Variants in HPSE2 observed in about 807,000 individuals in gnomAD.
HPSE2 encodes the protein inactive heparanase-2.
HPSE2 carries 38 observed loss-of-function variants against 60.5 expected under a neutral mutation model. The observed-to-expected ratio is 0.63, with a 90% confidence interval of 0.48 to 0.82. The LOEUF is 0.82. HPSE2 is among the 40% of genes least tolerant of loss of function. HPSE2 has a pLI of 0.00. For synonymous variants in HPSE2, 295 were observed against 293.2 expected (o/e 1.01, Z -0.06); for missense variants, 713 against 740.4 (o/e 0.96, Z 0.43).
At chr10:98,947,881 A>G (rs1283701908) in intron 3 of HPSE2, among the ~76,000 whole-genome samples, 1 of 152,156 alleles carries the variant, frequency 6.6e-6, no homozygotes, top group Non-Finnish European at 1.5e-5. Context: ...GCACCTTTCC[A>G]GTAAGGGATG....
chr10:98,578,393 C>G (rs1347175567), intron 9 of HPSE2, among the ~76,000 whole-genome samples: 1 of 152,170 alleles, frequency 6.6e-6, no homozygotes, highest in Non-Finnish European at 1.5e-5. Flanking sequence ...ATGGGTTTGT[C>G]TCAGTCTAAA....
intron 3 of HPSE2, among the ~76,000 whole-genome samples, chr10:98,785,770 C>G (rs61883660): frequency 0.56 from 18,663 of 33,344 alleles, 5,216 homozygotes; most frequent in Non-Finnish European, 0.64. Context: ...GTTTGTATTT[C>G]TGTGGGATCG....
chr10:98,857,403 CCAATTGTGAGTTCGA>C (rs1952344010), intron 3 of HPSE2, among the ~76,000 whole-genome samples: 1 of 152,068 alleles, frequency 6.6e-6, no homozygotes, highest in Admixed American at 6.6e-5. Context: ...ATCCAGTCCT[CCAATTGTGAGTTCGA>C]ATAGAAACAG....
At chr10:98,600,922 T>TATATATATATATATATA (rs1945400291) in intron 9 of HPSE2, among the ~76,000 whole-genome samples, 1 of 44,872 alleles carries the variant, frequency 2.2e-5, no homozygotes, top group Non-Finnish European at 7.2e-5. Context: ...TATATATATA[T>TATATATATATATATATA]ATATATATAT....
intron 3 of HPSE2, among the ~76,000 whole-genome samples, chr10:98,863,641 TA>T (rs1422644211): frequency 1.3e-5 from 2 of 152,156 alleles, no homozygotes; most frequent in East Asian, 3.8e-4. Flanking sequence ...TACCTGCAAT[TA>T]GTAAGACAGA....
intron 4 of HPSE2, among the ~76,000 whole-genome samples, chr10:98,733,321 T>C (rs577634895): frequency 2.0e-5 from 3 of 152,172 alleles, no homozygotes; most frequent in African/African-American, 7.2e-5. Context: ...GGGGTTTCAT[T>C]ATGTTTCCAA....
intron 3 of HPSE2, among the ~76,000 whole-genome samples, chr10:98,788,609 T>C (rs930924589): frequency 6.6e-6 from 1 of 152,144 alleles, no homozygotes; most frequent in Non-Finnish European, 1.5e-5. Context: ...TCCGTGGGCG[T>C]AGGACCCTCT....
chr10:99,052,529 C>T (rs1239569921), intron 3 of HPSE2, among the ~76,000 whole-genome samples: 1 of 151,752 alleles, frequency 6.6e-6, no homozygotes, highest in East Asian at 1.9e-4. Flanking sequence ...GAAAACTTCC[C>T]AAATTTGATT....
chr10:99,044,527 G>C lies in HPSE2; in HGVS notation c.610+99711C>G, dbSNP rs916745003. ...TTCAAAAGTAACGCTGAATGTAAAT[G>C]AACTGAACACCCCACTTAAAAGGCA... On this transcript the variant is annotated intron_variant, in intron 3 of 11. Transcript: ENST00000370552. Among the ~76,000 whole-genome samples, 3 of 152,104 alleles carry C rather than the reference G, an allele frequency of 2.0e-5. No individual in the cohort carries two copies. The South Asian group carries it at 6.2e-4, about 32-fold the overall frequency.
chr10:98,658,416 T>C (rs1198713877), intron 6 of HPSE2, among the ~76,000 whole-genome samples: 3 of 152,238 alleles, frequency 2.0e-5, no homozygotes, highest in African/African-American at 7.2e-5. Flanking sequence ...TTCAACCATT[T>C]GCAAAGACAT....
chr10:99,023,351 T>C (rs980720949), intron 3 of HPSE2, among the ~76,000 whole-genome samples: 4 of 152,114 alleles, frequency 2.6e-5, no homozygotes. Context: ...CTAGGTAGAC[T>C]TCTAAGGTTT....
At chr10:98,897,615 C>A (rs1953531720) in intron 3 of HPSE2, among the ~76,000 whole-genome samples, 1 of 151,408 alleles carries the variant, frequency 6.6e-6, no homozygotes, top group Admixed American at 6.6e-5. Context: ...GGATATCTTT[C>A]AAAAAAATGG....
At chr10:98,762,932 G>GTC (rs1304785341) in intron 3 of HPSE2, among the ~76,000 whole-genome samples, 1 of 152,092 alleles carries the variant, frequency 6.6e-6, no homozygotes. Flanking sequence ...AAAGCAGCCA[G>GTC]TATAGCCATC....
intron 9 of HPSE2, among the ~76,000 whole-genome samples, chr10:98,583,532 C>T (rs990007049): frequency 6.6e-6 from 1 of 152,198 alleles, no homozygotes; most frequent in African/African-American, 2.4e-5. Context: ...AACTTGCCTG[C>T]TCCTGCAAAA....
intron 2 of HPSE2, among the ~76,000 whole-genome samples, chr10:99,182,765 A>G (rs924579734): frequency 2.0e-5 from 3 of 152,090 alleles, no homozygotes; most frequent in African/African-American, 7.2e-5. Context: ...TGGGAGGCTG[A>G]GGGGGCAGAT....
chr10:98,613,514 G>A (rs1945817396), intron 9 of HPSE2, among the ~76,000 whole-genome samples: 2 of 152,236 alleles, frequency 1.3e-5, no homozygotes, highest in Non-Finnish European at 2.9e-5. Flanking sequence ...AACTGGTGCT[G>A]TGGGTGCTGA....
At chr10:98,713,991 T>C (rs369674318) in intron 5 of HPSE2, among the ~76,000 whole-genome samples, 2 of 151,968 alleles carry the variant, frequency 1.3e-5, no homozygotes, top group African/African-American at 2.4e-5. Flanking sequence ...AACTGTCCCT[T>C]TACTTTTATA....
chr10:99,019,399 T>C (rs758089955), intron 3 of HPSE2, among the ~76,000 whole-genome samples: 35 of 152,328 alleles, frequency 2.3e-4, no homozygotes, highest in Non-Finnish European at 4.0e-4. Context: ...AATTCTTTAG[T>C]TTCCCTACAA....
At chr10:98,992,933 A>C (rs542189450) in intron 3 of HPSE2, among the ~76,000 whole-genome samples, 1 of 152,300 alleles carries the variant, frequency 6.6e-6, no homozygotes, top group African/African-American at 2.4e-5. Context: ...CACAATGGGG[A>C]TAATAGTTAT....
Sources: allele counts gnomAD v4.1 joint callset (sites outside exome capture counted in the v4.1 genomes callset), GRCh38; gene constraint gnomAD v4.1.1; transcripts MANE v1.5; gene names NCBI Gene and HGNC (gene_info 2026-07-23, HGNC 2026-07-21).